The following NPAS2 variants were observed in gnomAD, a reference collection of about 807,000 sequenced individuals.
The protein encoded by NPAS2 is neuronal PAS domain-containing protein 2.
NPAS2 carries 23 observed loss-of-function variants against 107.5 expected under a neutral mutation model. The ratio of observed to expected loss-of-function variants is 0.21; its 90% CI spans 0.15 to 0.30. The LOEUF (loss-of-function observed/expected upper bound fraction) is 0.30, where lower values mean the gene tolerates loss of function less well. NPAS2 is among the 10% of genes least tolerant of loss of function. The pLI, the probability that NPAS2 is intolerant of heterozygous loss-of-function variation, is 1.00. For synonymous variants in NPAS2, 403 were observed against 417.5 expected (o/e 0.97, Z 0.42); for missense variants, 756 against 1,043.3 (o/e 0.72, Z 3.79).
intron 1 of NPAS2, among the ~76,000 whole-genome samples, chr2:100,887,012 C>A (rs1680739282): frequency 6.6e-6 from 1 of 152,158 alleles, no homozygotes; most frequent in African/African-American, 2.4e-5. Flanking sequence ...AAATGTCCAG[C>A]ATTTTGAGGA....
Position 100,968,590 on chromosome 2 carries a change from C to T in NPAS2, c.1055+162C>T, listed in dbSNP as rs1481135608. On this transcript the variant is annotated intron_variant, in intron 11 of 20. Coordinates refer to ENST00000335681, the MANE Select transcript of NPAS2 (RefSeq NM_002518.4). The surrounding 1 kb of genome is among the most constrained non-coding windows in gnomAD (Gnocchi z 5.3). ...ATCCCCTGCCGTTAACAGCACAATT[C>T]CCAGAGCTCAGCTCGCTTCCAGGCA... 6.6e-6 allele frequency among the ~76,000 whole-genome samples: 1 copy of T among 152,152 alleles called. No homozygotes were observed. The highest frequency in any genetic ancestry group is 1.5e-5 in the Non-Finnish European group (1 of 68,010).
intron 2 of NPAS2, among the ~76,000 whole-genome samples, chr2:100,907,324 C>T (rs1682223270): frequency 2.6e-5 from 4 of 151,988 alleles, no homozygotes; most frequent in African/African-American, 9.7e-5. Flanking sequence ...CATAAGCATA[C>T]CTCCCCCACC....
At chr2:100,913,590 A>G (rs1002263163) in intron 2 of NPAS2, among the ~76,000 whole-genome samples, 3 of 152,160 alleles carry the variant, frequency 2.0e-5, no homozygotes, top group South Asian at 2.1e-4. Flanking sequence ...CAGTCCACAT[A>G]TGAAATGGAT....
At chr2:100,929,390 A>G (rs112196146) in intron 3 of NPAS2, among the ~76,000 whole-genome samples, 5,728 of 152,250 alleles carry the variant, frequency 0.038, 265 homozygotes, top group African/African-American at 0.11. Context: ...TCTTGTGGCT[A>G]TTTATATCAC....
At chr2:100,819,623 C>T (rs945288041), upstream of NPAS2, among the ~76,000 whole-genome samples, 2 of 152,234 alleles carry the variant, frequency 1.3e-5, no homozygotes, top group African/African-American at 4.8e-5. This position sits in a 1 kb window ranked among gnomAD's most constrained non-coding sequence, Gnocchi z 5.8. Context: ...GCTCGTCCCC[C>T]TTCATCCCCT....
At chr2:100,851,504 G>A (rs1418742048) in intron 1 of NPAS2, among the ~76,000 whole-genome samples, 1 of 152,166 alleles carries the variant, frequency 6.6e-6, no homozygotes, top group Non-Finnish European at 1.5e-5. Flanking sequence ...CTCAAGGAAA[G>A]GCTTTACTAA....
chr2:100,962,635 C>T (rs1675977535), intron 7 of NPAS2: 1 of 152,196 alleles, frequency 6.6e-6, no homozygotes, highest in South Asian at 2.1e-4. Flanking sequence ...GGAACCCCAC[C>T]CGTGGACGAC....
chr2:100,907,165 A>G (rs1265173191), intron 2 of NPAS2, among the ~76,000 whole-genome samples: 1 of 152,164 alleles, frequency 6.6e-6, no homozygotes, highest in Non-Finnish European at 1.5e-5. Context: ...TAAATCAGGA[A>G]GAGATAAAAA....
chr2:100,885,099 C>A (rs1680612730), intron 1 of NPAS2, among the ~76,000 whole-genome samples: 1 of 152,176 alleles, frequency 6.6e-6, no homozygotes, highest in East Asian at 1.9e-4. Flanking sequence ...CAGGTGCCCA[C>A]CAGCACGCCC....
intron 2 of NPAS2, among the ~76,000 whole-genome samples, chr2:100,923,038 T>TA (rs1683335545): frequency 6.6e-6 from 1 of 152,236 alleles, no homozygotes; most frequent in Non-Finnish European, 1.5e-5. Context: ...AAATTATTTA[T>TA]AATGCATAGA....
chr2:100,969,294 T>G (rs1443496333), intron 11 of NPAS2, among the ~76,000 whole-genome samples: 2 of 152,134 alleles, frequency 1.3e-5, no homozygotes, highest in Non-Finnish European at 2.9e-5. Context: ...ACCCATCATT[T>G]AGGCTTTAAG....
At chr2:100,861,264 C>T (rs1326913604) in intron 1 of NPAS2, among the ~76,000 whole-genome samples, 1 of 152,040 alleles carries the variant, frequency 6.6e-6, no homozygotes, top group Non-Finnish European at 1.5e-5. Context: ...CTGTGTCTAC[C>T]CTTGAGGAGC....
chr2:100,870,046 A>G (rs10199567), intron 1 of NPAS2, among the ~76,000 whole-genome samples: 10,537 of 151,786 alleles, frequency 0.069, 615 homozygotes, highest in African/African-American at 0.15. Context: ...CTGGGACTAC[A>G]GGTGTCTGCG....
At chr2:100,823,479 A>G (rs1289184133) in intron 1 of NPAS2, 1 of 152,094 alleles carries the variant, frequency 6.6e-6, no homozygotes, top group Non-Finnish European at 1.5e-5. Flanking sequence ...GGTATGAAAA[A>G]AACTGTATAA....
chr2:100,911,424 A>G (rs1682540751), intron 2 of NPAS2, among the ~76,000 whole-genome samples: 1 of 152,176 alleles, frequency 6.6e-6, no homozygotes, highest in Admixed American at 6.5e-5. Context: ...AGATGTGAGC[A>G]AAGATTATTT....
At chr2:100,888,783 A>G (rs980321737) in intron 1 of NPAS2, among the ~76,000 whole-genome samples, 1 of 152,028 alleles carries the variant, frequency 6.6e-6, no homozygotes, top group African/African-American at 2.4e-5. Flanking sequence ...TGTGCCTTCT[A>G]ATTCTGATGC....
chr2:100,831,489 T>G (rs1291004483), intron 1 of NPAS2, among the ~76,000 whole-genome samples: 1 of 151,902 alleles, frequency 6.6e-6, no homozygotes, highest in Non-Finnish European at 1.5e-5. Context: ...TGTGGTAAGG[T>G]GGGGGCGGAT....
intron 1 of NPAS2, among the ~76,000 whole-genome samples, chr2:100,869,400 G>A (rs1432602735): frequency 6.6e-6 from 1 of 152,186 alleles, no homozygotes; most frequent in African/African-American, 2.4e-5. Context: ...AACTTGATCT[G>A]TGAGAATTTT....
intron 10 of NPAS2, among the ~76,000 whole-genome samples, chr2:100,967,969 G>A (rs1573746073): frequency 1.3e-5 from 2 of 152,316 alleles, no homozygotes; most frequent in South Asian, 2.1e-4. Context: ...GGGAGGATGA[G>A]CACCAGGCAA....
Sources: gnomAD v4.1 joint callset for allele counts (sites outside exome capture counted in the v4.1 genomes callset) on GRCh38, gnomAD v4.1.1 for gene constraint, Gnocchi (gnomAD v3.1) non-coding constraint, MANE v1.5 for transcripts, NCBI Gene and HGNC (gene_info 2026-07-23, HGNC 2026-07-21) for gene names.